ATP9B: variants seen among roughly 807,000 people sequenced by gnomAD.
ATP9B encodes probable phospholipid-transporting ATPase IIB.
Under a neutral mutation model 146.1 loss-of-function variants are expected in ATP9B, and 110 were observed. The ratio of observed to expected loss-of-function variants is 0.75; its 90% confidence interval spans 0.65 to 0.88. ATP9B has a LOEUF of 0.88. Ranked by LOEUF, ATP9B falls within the 40% of genes least tolerant of loss-of-function variation. The pLI, the probability that ATP9B is intolerant of heterozygous loss-of-function variation, is 0.00. For missense variants in ATP9B, 1,499 were observed against 1,496.4 expected, an observed-to-expected ratio of 1.00 and a Z score of -0.03; for synonymous variants, 604 against 569.7, an observed-to-expected ratio of 1.06 and a Z score of -0.86.
intron 13 of ATP9B, among the ~76,000 whole-genome samples, chr18:79,296,527 A>G (rs1053970199): frequency 1.3e-5 from 2 of 152,212 alleles, no homozygotes; most frequent in East Asian, 3.8e-4. Flanking sequence ...AATCTCAAGT[A>G]TTTTTAAGGA....
In ATP9B at chr18:79,345,755, T is replaced by C; in HGVS notation, c.2618-20T>C. On this transcript the variant is annotated intron_variant, in intron 22 of 29. Transcript: ENST00000426216. The stretch of plus-strand genomic sequence containing the variant: ...ATGATGGATAAGGTTTTATTTCATC[T>C]CACTTTTCTTGCTTCGCAGGTGATG... 1 of 1,614,200 alleles carries C rather than the reference T, an allele frequency of 6.2e-7. No individual in the cohort carries two copies. The highest frequency in any genetic ancestry group is 8.5e-7 in the Non-Finnish European group (1 of 1,179,994).
intron 26 of ATP9B, among the ~76,000 whole-genome samples, chr18:79,366,255 C>T (rs2097028139): frequency 2.6e-5 from 4 of 152,164 alleles, no homozygotes; most frequent in African/African-American, 9.7e-5. Flanking sequence ...TGGTGGCGGA[C>T]ACCTGACCGT....
rs200784197 is a variant in ATP9B at position 79,318,329 on chromosome 18, T to TG, written c.1774-10811dup. Among the ~76,000 whole-genome samples the TG allele has an allele frequency of 1.3e-4, 20 of 152,354 alleles. No individual in the cohort carries two copies. In the East Asian group the frequency reaches 3.7e-3, roughly 28 times the overall value. ...AGCAGTGAAAAGTCGTGTTGCTAGA[T>TG]GCAGCCCCCACAGGATGTGGTCAAC... On this transcript the variant is annotated intron_variant, in intron 15 of 29. Coordinates refer to ENST00000426216, the MANE Select transcript of ATP9B (RefSeq NM_198531.5).
rs895861549 is a variant in ATP9B at position 79,348,036 on chromosome 18, G to C, written c.2839-96G>C. The C allele has an allele frequency of 6.5e-5, 105 of 1,603,212 alleles. No homozygotes were observed. In the Admixed American group the frequency reaches 1.7e-3, roughly 27 times the overall value. On this transcript the variant is annotated intron_variant, in intron 24 of 29. Coordinates refer to ENST00000426216, the MANE Select transcript of ATP9B (RefSeq NM_198531.5). ...TGCTGAGTGCTGCCGGAAGTACCTGGGCTGTGCTTAGGAGTTAGCGAGGCC... is the reference window on the plus strand; with the variant it reads ...TGCTGAGTGCTGCCGGAAGTACCTGCGCTGTGCTTAGGAGTTAGCGAGGCC...
At chr18:79,344,449 G>T (rs2096875177) in intron 21 of ATP9B, 95 bp downstream of exon 21, 1 of 1,107,254 alleles carries the variant, frequency 9.0e-7, no homozygotes, top group East Asian at 2.5e-5. Flanking sequence ...AGGCAAGGCT[G>T]GACCCTGAGT....
Position 79,315,734 on chromosome 18 carries a change from T to C in ATP9B, c.1773+8500T>C, listed in dbSNP as rs189541256. On this transcript the variant is annotated intron_variant, in intron 15 of 29. Transcript: ENST00000426216. ...CATATGATATTACTTCTGGCTGTGC[T>C]ACTCTTGGGTCTGTTTCTCAGAGTG... is the stretch of plus-strand genomic sequence containing the variant. Among the ~76,000 whole-genome samples the C allele has an allele frequency of 2.6e-3, 402 of 152,378 alleles. 2 individuals carry two copies. The highest frequency in any genetic ancestry group is 6.8e-3 in the Middle Eastern group (2 of 294).
Position 79,348,179 on chromosome 18 carries a change from G to C in ATP9B, c.2886G>C (p.Gln962His). 6.2e-7 allele frequency: 1 copy of C among 1,609,980 alleles called. No individual in the cohort carries two copies. The highest frequency in any genetic ancestry group is 8.5e-7 in the Non-Finnish European group (1 of 1,178,774). The change falls in exon 25 of 30, where the codon CAG (glutamine) becomes CAC (histidine). Residue 962 changes from glutamine (Q) to histidine (H), a missense_variant. Physicochemically the swap from Gln to His is conservative, Grantham distance 24 (BLOSUM62 0). Coordinates refer to ENST00000426216, the MANE Select transcript of ATP9B (RefSeq NM_198531.5). ...ACTTCGCATCCGTCCCTTTGTATCA[G>C]GGCTTCCTCATGGTGGGGTAAGTTA... ...VFYFASVPLY[Q>H]GFLMVGYATI...
intron 11 of ATP9B, among the ~76,000 whole-genome samples, chr18:79,224,805 A>C (rs149936921): frequency 6.6e-6 from 1 of 152,312 alleles, no homozygotes; most frequent in Non-Finnish European, 1.5e-5. Context: ...GGAAAGCACC[A>C]GCTGCTCCAC....
intron 11 of ATP9B, among the ~76,000 whole-genome samples, chr18:79,215,888 C>T (rs1317269713): frequency 6.6e-6 from 1 of 152,116 alleles, no homozygotes. Context: ...TGGGGTTTCA[C>T]CATGTTGGCC....
At chr18:79,133,725 C>G (rs1007240665) in intron 5 of ATP9B, among the ~76,000 whole-genome samples, 1 of 152,138 alleles carries the variant, frequency 6.6e-6, no homozygotes. Flanking sequence ...TCCATCCTTC[C>G]TTTTCACTTG....
At chr18:79,303,475 T>C (rs1049369594) in intron 13 of ATP9B, 129 bp from the exon 14 acceptor site, 6 of 560,352 alleles carry the variant, frequency 1.1e-5, no homozygotes, top group Non-Finnish European at 1.9e-5. Flanking sequence ...AACGCTACTT[T>C]GTATTATACA....
chr18:79,089,439 G>A (rs922588457), intron 1 of ATP9B, among the ~76,000 whole-genome samples: 6 of 152,060 alleles, frequency 3.9e-5, no homozygotes, highest in African/African-American at 1.2e-4. Flanking sequence ...GGCCCACTGT[G>A]CACGTGCCCA....
chr18:79,374,202 A>G lies in ATP9B; in HGVS notation c.3274+101A>G, dbSNP rs915873489. 31 of 1,357,066 alleles carry G rather than the reference A, an allele frequency of 2.3e-5. No individual in the cohort carries two copies. The African/African-American group carries it at 4.2e-4, about 18-fold the overall frequency. 84.1% of individuals were successfully genotyped at this position (1,357,066 alleles called of 1,614,324 possible). A position where few individuals can be genotyped will look rare whatever the true frequency, so the allele number is the denominator to read the frequency against. On this transcript the variant is annotated intron_variant, in intron 28 of 29. Coordinates refer to ENST00000426216, the MANE Select transcript of ATP9B (RefSeq NM_198531.5). ...AATACATTGTGTTAAGTTGTGGATC[A>G]TGGTAAAACCCATATCAGAAAGTGC...
chr18:79,127,229 A>G (rs1034916566), intron 5 of ATP9B, among the ~76,000 whole-genome samples: 3 of 152,220 alleles, frequency 2.0e-5, no homozygotes, highest in African/African-American at 4.8e-5. Flanking sequence ...CATGTAAAGT[A>G]TACAATTCAG....
intron 7 of ATP9B, among the ~76,000 whole-genome samples, chr18:79,162,354 G>A (rs1234169784): frequency 1.3e-5 from 2 of 152,040 alleles, no homozygotes; most frequent in Non-Finnish European, 2.9e-5. Flanking sequence ...GGTGACTGAT[G>A]GCTTAAATTC....
At chr18:79,128,518 G>A (rs776365542) in intron 5 of ATP9B, among the ~76,000 whole-genome samples, 6 of 152,244 alleles carry the variant, frequency 3.9e-5, no homozygotes, top group East Asian at 1.9e-4. Context: ...TTTGATGCTC[G>A]AATGGTGGTG....
chr18:79,238,663 C>G (rs2095863639), intron 11 of ATP9B, among the ~76,000 whole-genome samples: 1 of 152,204 alleles, frequency 6.6e-6, no homozygotes, highest in South Asian at 2.1e-4. Flanking sequence ...GCCTGTGGCG[C>G]CCCGGCCTGT....
chr18:79,277,413 A>G, intron 13 of ATP9B: 1 of 463,894 alleles, frequency 2.2e-6, no homozygotes, highest in Non-Finnish European at 3.7e-6. Context: ...AATTATCAAA[A>G]TGTTAAGTTC....
At chr18:79,316,307 A>G (rs1456887099) in intron 15 of ATP9B, among the ~76,000 whole-genome samples, 1 of 152,164 alleles carries the variant, frequency 6.6e-6, no homozygotes, top group Non-Finnish European at 1.5e-5. Flanking sequence ...CAGAGAAAAC[A>G]GGGAAAAATG....
Sources: gnomAD v4.1 joint callset for allele counts (sites outside exome capture counted in the v4.1 genomes callset) on GRCh38, gnomAD v4.1.1 for gene constraint, MANE v1.5 for transcripts, NCBI Gene and HGNC (gene_info 2026-07-23, HGNC 2026-07-21) for gene names.